The following ESR1 variants were observed in gnomAD, a reference collection of about 807,000 sequenced individuals.
ESR1 encodes the protein estrogen receptor 1, also known as estrogen receptor.
Under a neutral mutation model 52.7 loss-of-function variants are expected in ESR1, and 12 were observed. The observed-to-expected ratio is 0.23, with a 90% CI of 0.15 to 0.37. The LOEUF is 0.37. Ranked by LOEUF, ESR1 falls within the 10% of genes least tolerant of loss-of-function variation. The probability of loss-of-function intolerance (pLI) is 1.00; values close to 1 mark genes in which losing one functional copy is unlikely to be tolerated. For synonymous variants in ESR1, 305 were observed against 316.8 expected, an observed-to-expected ratio of 0.96 and a Z score of 0.39; for missense variants, 584 against 779.7, an observed-to-expected ratio of 0.75 and a Z score of 2.99.
intron 2 of ESR1, among the ~76,000 whole-genome samples, chr6:151,787,337 G>C (rs1490749637): frequency 6.6e-6 from 1 of 152,028 alleles, no homozygotes; most frequent in Non-Finnish European, 1.5e-5. Flanking sequence ...TCTTTTTTTG[G>C]TTCCATATGA....
At chr6:151,944,638 T>G in intron 4 of ESR1, 130 bp downstream of exon 4, 1 of 786,614 alleles carries the variant, frequency 1.3e-6, no homozygotes, top group Non-Finnish European at 2.2e-6. Context: ...TTACAGGAGA[T>G]GTGTTCATTT....
chr6:151,705,832 G>A (rs191168157), intron 2 of ESR1, among the ~76,000 whole-genome samples: 1 of 152,296 alleles, frequency 6.6e-6, no homozygotes, highest in East Asian at 1.9e-4. Flanking sequence ...CAGTCTGGGT[G>A]TGTGCTAAGA....
At chr6:151,751,970 G>A (rs1212045221) in intron 2 of ESR1, among the ~76,000 whole-genome samples, 2 of 152,196 alleles carry the variant, frequency 1.3e-5, no homozygotes, top group African/African-American at 2.4e-5. Flanking sequence ...TTTTCTTGCA[G>A]AGACCTTGTA....
intron 4 of ESR1, among the ~76,000 whole-genome samples, chr6:152,008,238 T>C (rs1035667116): frequency 2.0e-5 from 3 of 152,044 alleles, no homozygotes; most frequent in Non-Finnish European, 2.9e-5. Context: ...CTGCACACTC[T>C]CTCCCAACCC....
chr6:151,850,383 C>CAGAG (rs764460961), intron 2 of ESR1, among the ~76,000 whole-genome samples: 1 of 134,198 alleles, frequency 7.5e-6, no homozygotes, highest in East Asian at 2.1e-4. Flanking sequence ...CATATGATAA[C>CAGAG]AGAGAGAGAG....
downstream of ESR1, among the ~76,000 whole-genome samples, chr6:152,107,348 G>A (rs1585271077): frequency 1.3e-5 from 2 of 152,124 alleles, no homozygotes; most frequent in Middle Eastern, 6.8e-3. Context: ...TCTTCCAGGG[G>A]ACTGTTTTGT....
chr6:152,078,710 T>C (rs969460810), intron 6 of ESR1, among the ~76,000 whole-genome samples: 6 of 152,226 alleles, frequency 3.9e-5, no homozygotes, highest in African/African-American at 1.4e-4. Flanking sequence ...GGGATTTCCC[T>C]TTCCTAGCCA....
At chr6:151,797,295 A>C (rs1776802370) in intron 2 of ESR1, among the ~76,000 whole-genome samples, 1 of 152,236 alleles carries the variant, frequency 6.6e-6, no homozygotes, top group African/African-American at 2.4e-5. Flanking sequence ...CTGATTGAGC[A>C]AGAGTTATAT....
chr6:151,945,139 G>A (rs1198416688), intron 4 of ESR1, among the ~76,000 whole-genome samples: 1 of 152,150 alleles, frequency 6.6e-6, no homozygotes, highest in Admixed American at 6.5e-5. Context: ...GATGGCTTGA[G>A]TCCAGGAGGT....
At chr6:151,966,876 A>G (rs987528662) in intron 4 of ESR1, among the ~76,000 whole-genome samples, 2 of 152,206 alleles carry the variant, frequency 1.3e-5, no homozygotes, top group African/African-American at 4.8e-5. Flanking sequence ...TATTGCCTCC[A>G]TCAGAAACCC....
chr6:152,081,726 T>C (rs922968697), intron 6 of ESR1, among the ~76,000 whole-genome samples: 1 of 151,752 alleles, frequency 6.6e-6, no homozygotes, highest in Non-Finnish European at 1.5e-5. Context: ...GATAGACCAC[T>C]AGCAAGACTA....
intron 6 of ESR1, chr6:152,122,183 C>T: frequency 1.8e-6 from 1 of 548,026 alleles, no homozygotes; most frequent in Non-Finnish European, 3.2e-6. Context: ...CTTACTCAAT[C>T]TCCTTAGTGC....
chr6:151,910,974 G>T (rs1798170493), intron 3 of ESR1, among the ~76,000 whole-genome samples: 1 of 152,132 alleles, frequency 6.6e-6, no homozygotes, highest in Admixed American at 6.5e-5. Context: ...CTCATAAGGA[G>T]CACACAGCCT....
At chr6:151,702,541 C>G (rs1410875501) in intron 2 of ESR1, among the ~76,000 whole-genome samples, 2 of 152,128 alleles carry the variant, frequency 1.3e-5, no homozygotes, top group African/African-American at 4.8e-5. Flanking sequence ...AGAATTTAGA[C>G]TTTACATATT....
At chr6:151,992,011 C>T (rs9340941) in intron 4 of ESR1, among the ~76,000 whole-genome samples, 8,280 of 152,158 alleles carry the variant, frequency 0.054, 310 homozygotes, top group South Asian at 0.16. Flanking sequence ...CTGAGTCTCT[C>T]TGGTGTCGGG....
intron 1 of ESR1, among the ~76,000 whole-genome samples, chr6:151,685,132 TTTTTTTTTTTTTG>T (rs1477361766): frequency 5.7e-5 from 4 of 70,086 alleles, no homozygotes; most frequent in African/African-American, 1.4e-4. Context: ...TTTTTTTTTT[TTTTTTTTTTTTTG>T]AGACGGAGTC....
chr6:152,040,865 T>C (rs974976521), intron 5 of ESR1, among the ~76,000 whole-genome samples: 1 of 152,156 alleles, frequency 6.6e-6, no homozygotes, highest in Non-Finnish European at 1.5e-5. Flanking sequence ...GTGGGGACCA[T>C]GGGCATTTGA....
chr6:151,982,499 T>TC (rs2040086871), intron 4 of ESR1, among the ~76,000 whole-genome samples: 1 of 151,988 alleles, frequency 6.6e-6, no homozygotes, highest in Non-Finnish European at 1.5e-5. Flanking sequence ...TTTTTTTTTT[T>TC]CCTGAGATGG....
intron 1 of ESR1, among the ~76,000 whole-genome samples, chr6:151,828,300 T>C (rs11155813): frequency 0.2 from 30,756 of 152,118 alleles, 3,949 homozygotes; most frequent in African/African-American, 0.36. Flanking sequence ...ATGCTGCTCA[T>C]AGGCATAACA....
Sources: allele counts gnomAD v4.1 joint callset (sites outside exome capture counted in the v4.1 genomes callset), GRCh38; gene constraint gnomAD v4.1.1; transcripts MANE v1.5; gene names NCBI Gene and HGNC (gene_info 2026-07-23, HGNC 2026-07-21).